The following ARHGAP24 variants were observed in gnomAD, a reference collection of about 807,000 sequenced individuals.
The protein encoded by ARHGAP24 is Rho GTPase activating protein 24, also known as rho GTPase-activating protein 24.
In ARHGAP24, 50 loss-of-function variants were observed where a neutral mutation model predicts 76.4. That is an observed-to-expected ratio of 0.65 (90% CI 0.52 to 0.83). The LOEUF (loss-of-function observed/expected upper bound fraction) is 0.83, where lower values mean the gene tolerates loss of function less well. Among genes scored for constraint, ARHGAP24 ranks in the 40% least tolerant of loss-of-function variants. The probability of loss-of-function intolerance (pLI) is 0.00; values close to 1 mark genes in which losing one functional copy is unlikely to be tolerated. For missense variants in ARHGAP24, 930 were observed against 914.2 expected, an observed-to-expected ratio of 1.02 and a Z score of -0.22; for synonymous variants, 345 against 323.3, an observed-to-expected ratio of 1.07 and a Z score of -0.72.
At chr4:85,745,904 T>G in intron 3 of ARHGAP24, among the ~76,000 whole-genome samples, 1 of 152,184 alleles carries the variant, frequency 6.6e-6, no homozygotes, top group East Asian at 1.9e-4. Flanking sequence ...TGATGCTAGG[T>G]ACTATGATTC....
At chr4:85,685,780 A>G (rs1386381204) in intron 2 of ARHGAP24, among the ~76,000 whole-genome samples, 1 of 152,226 alleles carries the variant, frequency 6.6e-6, no homozygotes, top group African/African-American at 2.4e-5. Context: ...GTATCAGTGC[A>G]TAGCAAACTA....
At chr4:85,563,559 T>G (rs1002309846) in intron 1 of ARHGAP24, among the ~76,000 whole-genome samples, 1 of 152,198 alleles carries the variant, frequency 6.6e-6, no homozygotes, top group Non-Finnish European at 1.5e-5. Context: ...AATTACCTCC[T>G]AAGGGCCCTA....
intron 2 of ARHGAP24, among the ~76,000 whole-genome samples, chr4:85,681,115 A>G (rs756783109): frequency 1.7e-4 from 26 of 152,310 alleles, no homozygotes; most frequent in Admixed American, 1.1e-3. Context: ...TAATTTTAAG[A>G]CTTGAAACTA....
intron 3 of ARHGAP24, among the ~76,000 whole-genome samples, chr4:85,852,517 AGG>A (rs1731296329): frequency 6.6e-6 from 1 of 152,188 alleles, no homozygotes; most frequent in African/African-American, 2.4e-5. Context: ...GATCCTTTGG[AGG>A]AGAAGAGGCA....
intron 3 of ARHGAP24, among the ~76,000 whole-genome samples, chr4:85,782,823 T>C (rs10516756): frequency 0.11 from 16,738 of 152,222 alleles, 1,962 homozygotes; most frequent in East Asian, 0.62. Flanking sequence ...GAAGAGGTAA[T>C]ATGAATCCAA....
chr4:85,581,061 T>C (rs947490324), intron 2 of ARHGAP24, among the ~76,000 whole-genome samples: 9 of 152,156 alleles, frequency 5.9e-5, no homozygotes, highest in African/African-American at 1.9e-4. Context: ...ATCAAAGAAT[T>C]TTTCCACAAT....
At chr4:85,822,929 C>A (rs1246258227) in intron 3 of ARHGAP24, among the ~76,000 whole-genome samples, 1 of 151,942 alleles carries the variant, frequency 6.6e-6, no homozygotes, top group Non-Finnish European at 1.5e-5. Context: ...GTTATGTGTA[C>A]CCATGAATAT....
intron 1 of ARHGAP24, among the ~76,000 whole-genome samples, chr4:85,495,771 T>G (rs1458015638): frequency 6.6e-6 from 1 of 152,204 alleles, no homozygotes; most frequent in Non-Finnish European, 1.5e-5. Flanking sequence ...TGGCAGGCGT[T>G]GAAAGCATTT....
intron 3 of ARHGAP24, among the ~76,000 whole-genome samples, chr4:85,882,521 TA>T (rs909370897): frequency 4.6e-5 from 7 of 152,150 alleles, no homozygotes; most frequent in African/African-American, 1.7e-4. Flanking sequence ...GCCAGTTCAT[TA>T]AACCCTTTTT....
intron 2 of ARHGAP24, among the ~76,000 whole-genome samples, chr4:85,621,891 A>T (rs1720730479): frequency 6.6e-6 from 1 of 152,036 alleles, no homozygotes; most frequent in South Asian, 2.1e-4. Context: ...GATTCTTATA[A>T]TTTTAGGTCT....
At chr4:85,811,769 A>T (rs1729022030) in intron 3 of ARHGAP24, among the ~76,000 whole-genome samples, 1 of 152,216 alleles carries the variant, frequency 6.6e-6, no homozygotes, top group Non-Finnish European at 1.5e-5. Context: ...GTTACATCCA[A>T]AATTGATTTT....
At chr4:85,709,736 G>T (rs1421861414) in intron 2 of ARHGAP24, among the ~76,000 whole-genome samples, 1 of 152,078 alleles carries the variant, frequency 6.6e-6, no homozygotes, top group Non-Finnish European at 1.5e-5. Context: ...ACCAACAACT[G>T]TCAAGACACA....
At chr4:85,611,397 A>G (rs1720376886) in intron 2 of ARHGAP24, among the ~76,000 whole-genome samples, 1 of 152,244 alleles carries the variant, frequency 6.6e-6, no homozygotes. Context: ...AATGACAGTC[A>G]CTGCATAATA....
chr4:85,900,769 G>A (rs1014210907), intron 3 of ARHGAP24, among the ~76,000 whole-genome samples: 1 of 152,154 alleles, frequency 6.6e-6, no homozygotes, highest in Non-Finnish European at 1.5e-5. Flanking sequence ...GATTCTCCTG[G>A]AAATCAGAAA....
At chr4:85,687,209 G>A (rs937924135) in intron 2 of ARHGAP24, among the ~76,000 whole-genome samples, 1 of 152,154 alleles carries the variant, frequency 6.6e-6, no homozygotes, top group Non-Finnish European at 1.5e-5. Context: ...AGATAAGACT[G>A]AGGTGGTACT....
chr4:85,608,561 T>G (rs1301182468), intron 2 of ARHGAP24, among the ~76,000 whole-genome samples: 1 of 131,820 alleles, frequency 7.6e-6, no homozygotes, highest in Non-Finnish European at 1.6e-5. Context: ...GTTTTTTTTT[T>G]TTTTTTTTTT....
intron 3 of ARHGAP24, among the ~76,000 whole-genome samples, chr4:85,765,846 A>G (rs915956884): frequency 2.6e-5 from 4 of 152,198 alleles, no homozygotes; most frequent in Non-Finnish European, 1.5e-5. Flanking sequence ...CACATACAGC[A>G]CAGTTCTTTG....
chr4:85,679,211 G>T (rs1053660175), intron 2 of ARHGAP24, among the ~76,000 whole-genome samples: 1 of 152,168 alleles, frequency 6.6e-6, no homozygotes, highest in Non-Finnish European at 1.5e-5. Flanking sequence ...AGAGAGAATA[G>T]ATGGTGAATA....
intron 5 of ARHGAP24, among the ~76,000 whole-genome samples, chr4:85,959,529 C>T (rs1490771545): frequency 2.6e-5 from 4 of 152,146 alleles, no homozygotes; most frequent in African/African-American, 9.7e-5. Flanking sequence ...TAACATATAT[C>T]AGTAGTTTTT....
Sources: allele counts gnomAD v4.1 joint callset (sites outside exome capture counted in the v4.1 genomes callset), GRCh38; gene constraint gnomAD v4.1.1; transcripts MANE v1.5; gene names NCBI Gene and HGNC (gene_info 2026-07-23, HGNC 2026-07-21).